The following SLC8A1 variants were observed in gnomAD, a reference collection of about 807,000 sequenced individuals.
The protein encoded by SLC8A1 is solute carrier family 8 member A1.
Under a neutral mutation model 68.3 loss-of-function variants are expected in SLC8A1, and 18 were observed. The observed-to-expected ratio is 0.26, with a 90% CI of 0.18 to 0.39. The LOEUF (loss-of-function observed/expected upper bound fraction) is 0.39. SLC8A1 is among the 10% of genes least tolerant of loss of function. SLC8A1 has a pLI of 1.00. For synonymous variants in SLC8A1, 475 were observed against 415.5 expected, an observed-to-expected ratio of 1.14 and a Z score of -1.74; for missense variants, 985 against 1,156.7, an observed-to-expected ratio of 0.85 and a Z score of 2.15.
intron 1 of SLC8A1, among the ~76,000 whole-genome samples, chr2:40,466,228 G>T (rs1335462370): frequency 6.6e-6 from 1 of 152,170 alleles, no homozygotes; most frequent in Non-Finnish European, 1.5e-5. Flanking sequence ...TGTGGCAAGG[G>T]CAGGGGTTGG....
chr2:40,314,043 G>C (rs2074105804), intron 2 of SLC8A1, among the ~76,000 whole-genome samples: 1 of 151,938 alleles, frequency 6.6e-6, no homozygotes, highest in African/African-American at 2.4e-5. Flanking sequence ...TTTAAAAATA[G>C]ATAATGTTTT....
chr2:40,295,326 C>G (rs1453000584), intron 2 of SLC8A1, among the ~76,000 whole-genome samples: 2 of 152,042 alleles, frequency 1.3e-5, no homozygotes, highest in Non-Finnish European at 1.5e-5. Flanking sequence ...TAGTTTCAAA[C>G]TCCTGGGCTC....
At chr2:40,175,979 G>C (rs760481741) in intron 3 of SLC8A1, 1 of 450,602 alleles carries the variant, frequency 2.2e-6, no homozygotes, top group South Asian at 1.6e-5. Context: ...TAGATAACCA[G>C]AATCCTTCTA....
At chr2:40,313,517 C>T (rs1294320036) in intron 2 of SLC8A1, among the ~76,000 whole-genome samples, 1 of 151,910 alleles carries the variant, frequency 6.6e-6, no homozygotes, top group East Asian at 1.9e-4. Flanking sequence ...ACATTCCAAC[C>T]AGCAGTGTAG....
chr2:40,211,267 T>C (rs2056536410), intron 2 of SLC8A1, among the ~76,000 whole-genome samples: 1 of 152,206 alleles, frequency 6.6e-6, no homozygotes, highest in Non-Finnish European at 1.5e-5. Flanking sequence ...ACACTAGTTC[T>C]TCCTATAAAG....
exon 8 of SLC8A1, chr2:40,113,436 A>G (rs957230097): frequency 2.0e-5 from 3 of 152,754 alleles, no homozygotes; most frequent in Non-Finnish European, 2.9e-5. Context: ...AGAAACAGCT[A>G]TTCTTTTTAA....
At chr2:40,200,329 T>A (rs1317744695) in intron 2 of SLC8A1, among the ~76,000 whole-genome samples, 7 of 132,498 alleles carry the variant, frequency 5.3e-5, no homozygotes, top group African/African-American at 2.0e-4. Flanking sequence ...TTCAGGTAGG[T>A]TGAGAGCTAG....
intron 1 of SLC8A1, among the ~76,000 whole-genome samples, chr2:40,447,654 T>A (rs1701700447): frequency 6.6e-6 from 1 of 152,042 alleles, no homozygotes; most frequent in South Asian, 2.1e-4. Context: ...GGTAGCTCCT[T>A]CTCGGATAAT....
At chr2:40,240,895 C>G (rs2061132000) in intron 2 of SLC8A1, among the ~76,000 whole-genome samples, 1 of 152,146 alleles carries the variant, frequency 6.6e-6, no homozygotes, top group Non-Finnish European at 1.5e-5. Context: ...AAGTGACCCA[C>G]ATGTGTATTT....
intron 2 of SLC8A1, among the ~76,000 whole-genome samples, chr2:40,307,535 T>C (rs567396242): frequency 1.3e-5 from 2 of 152,324 alleles, no homozygotes; most frequent in South Asian, 4.1e-4. Context: ...TTATATTTTT[T>C]ACTACAATGA....
intron 6 of SLC8A1, among the ~76,000 whole-genome samples, chr2:40,145,570 A>G (rs1395354916): frequency 6.6e-6 from 1 of 152,198 alleles, no homozygotes; most frequent in African/African-American, 2.4e-5. Flanking sequence ...AGTAATTACA[A>G]ATCAAATTCT....
chr2:40,454,833 G>C (rs1032041839), upstream of SLC8A1, among the ~76,000 whole-genome samples: 2 of 152,140 alleles, frequency 1.3e-5, no homozygotes, highest in Non-Finnish European at 2.9e-5. Flanking sequence ...ATTATCAAAG[G>C]CTGCATCACA....
intron 2 of SLC8A1, among the ~76,000 whole-genome samples, chr2:40,184,537 T>C (rs1326921488): frequency 6.6e-6 from 1 of 152,156 alleles, no homozygotes. Flanking sequence ...TCATGCACAG[T>C]GATTTCCTTC....
At chr2:40,461,119 T>C (rs1346784041) in intron 1 of SLC8A1, among the ~76,000 whole-genome samples, 1 of 152,174 alleles carries the variant, frequency 6.6e-6, no homozygotes, top group East Asian at 1.9e-4. Context: ...GTACTGAGTT[T>C]TCATTTTGAG....
intron 1 of SLC8A1, among the ~76,000 whole-genome samples, chr2:40,508,292 A>C (rs182832462): frequency 2.0e-5 from 3 of 151,958 alleles, no homozygotes; most frequent in Admixed American, 2.0e-4. Flanking sequence ...ATTTCTGTTA[A>C]GGTATGATTT....
intron 2 of SLC8A1, among the ~76,000 whole-genome samples, chr2:40,272,613 C>T (rs1458856113): frequency 6.6e-6 from 1 of 152,206 alleles, no homozygotes; most frequent in African/African-American, 2.4e-5. Flanking sequence ...TTGAGAAGCT[C>T]GCATGAGCTC....
At chr2:40,467,000 G>A (rs186978940) in intron 1 of SLC8A1, among the ~76,000 whole-genome samples, 18 of 150,360 alleles carry the variant, frequency 1.2e-4, no homozygotes, top group African/African-American at 4.1e-4. Context: ...TGCAGAGAAC[G>A]GAAGAGAAGT....
chr2:40,243,313 C>A (rs927974518), intron 2 of SLC8A1, among the ~76,000 whole-genome samples: 3 of 151,998 alleles, frequency 2.0e-5, no homozygotes, highest in Non-Finnish European at 4.4e-5. Flanking sequence ...TAAAACCCTG[C>A]CTCTACCAAA....
At chr2:40,314,395 G>A (rs530204405) in intron 2 of SLC8A1, among the ~76,000 whole-genome samples, 30 of 151,862 alleles carry the variant, frequency 2.0e-4, no homozygotes, top group Admixed American at 5.3e-4. Context: ...CACTAGCTTG[G>A]TACCTGAAAC....
Sources: allele counts gnomAD v4.1 joint callset (sites outside exome capture counted in the v4.1 genomes callset), GRCh38; gene constraint gnomAD v4.1.1; transcripts MANE v1.5; gene names NCBI Gene and HGNC (gene_info 2026-07-23, HGNC 2026-07-21).